Variants in PTPN18 observed in about 807,000 individuals in gnomAD.
PTPN18 encodes the protein tyrosine-protein phosphatase non-receptor type 18.
PTPN18 carries 65 observed loss-of-function variants against 65.4 expected under a neutral mutation model. That is an observed-to-expected ratio of 0.99 (90% confidence interval 0.81 to 1.22). PTPN18 has a LOEUF of 1.22. Among genes scored for constraint, PTPN18 ranks in the 50% most tolerant of loss-of-function variants. PTPN18 has a pLI of 0.00. For missense variants in PTPN18, 616 were observed against 646.5 expected (o/e 0.95, Z 0.51); for synonymous variants, 255 against 267.8 (o/e 0.95, Z 0.47).
chr2:130,364,270 T>C (rs1366408593), intron 5 of PTPN18, among the ~76,000 whole-genome samples: 1 of 152,198 alleles, frequency 6.6e-6, no homozygotes, highest in Non-Finnish European at 1.5e-5. Context: ...TCTGTCCCTA[T>C]GAATTTGCCT....
chr2:130,364,836 G>A (rs566647312), intron 5 of PTPN18, among the ~76,000 whole-genome samples: 1 of 152,294 alleles, frequency 6.6e-6, no homozygotes, highest in African/African-American at 2.4e-5. Flanking sequence ...TGGTATACTA[G>A]TATCTGTTTG....
chr2:130,361,524 T>TTCTTTCTTTCTTTCTTTCTTTC (rs779315325), intron 5 of PTPN18, among the ~76,000 whole-genome samples: 6 of 112,858 alleles, frequency 5.3e-5, no homozygotes, highest in African/African-American at 2.3e-4. Flanking sequence ...CTTTCTTTCT[T>TTCTTTCTTTCTTTCTTTCTTTC]TCTTTCTTTC....
Position 130,373,275 on chromosome 2 carries a change from G to C in PTPN18, c.*51G>C, listed in dbSNP as rs767500804. 1.3e-6 allele frequency: 2 copies of C among 1,487,160 alleles called. No homozygotes were observed. The highest frequency in any genetic ancestry group is 4.7e-5 in the East Asian group (2 of 42,350). The allele number at this position is 1,487,160 out of a possible 1,614,324, so 92.1% of individuals were successfully genotyped here. On this transcript the variant is annotated 3_prime_UTR_variant, in exon 15 of 15. Transcript: ENST00000175756. This position sits in a 1 kb window ranked among gnomAD's most constrained non-coding sequence, Gnocchi z 4.1. ...CCTCTTGTGAGCTCGGACTGCTGAT[G>C]CCCCGGTGCTGCTGAGCGCCGTGCG...
chr2:130,356,155 A>G lies in PTPN18; in HGVS notation c.48A>G (p.Glu16=). The change falls in exon 1 of 15, where the codon GAA becomes GAG. Residue 16 remains glutamate (E), a synonymous_variant. Coordinates refer to ENST00000175756, the MANE Select transcript of PTPN18 (RefSeq NM_014369.4). ...DSARSFLERL[E]ARGGREGAVL... is the part of the protein sequence containing the mutation. ...CGCGGAGCTTCCTGGAGCGGCTGGA[A>G]GCGCGGGGCGGCCGGGAGGGGGCAG... 1 of 1,313,146 alleles carries G rather than the reference A, an allele frequency of 7.6e-7. No individual in the cohort carries two copies. The highest frequency in any genetic ancestry group is 9.7e-7 in the Non-Finnish European group (1 of 1,035,536). 81.3% of individuals were successfully genotyped at this position (1,313,146 alleles called of 1,614,324 possible).
intron 12 of PTPN18, chr2:130,372,017 C>G: frequency 2.0e-6 from 1 of 502,070 alleles, no homozygotes; most frequent in Non-Finnish European, 3.5e-6. Context: ...ATGACCACCC[C>G]TCAAACCAAC....
intron 8 of PTPN18, 98 bp from the exon 9 acceptor site, chr2:130,370,459 A>C (rs931413447): frequency 2.2e-6 from 3 of 1,371,344 alleles, no homozygotes; most frequent in Non-Finnish European, 2.1e-6. Context: ...GAGGCTCTGC[A>C]GGGGATCCAT....
Position 130,369,709 on chromosome 2 carries a change from T to G in PTPN18, c.484-56T>G. ...TTTGCTTTCTATAAATGTCTTCTGG[T>G]ACCTATGATCTTTGTTCTCCTCCCT... is the stretch of plus-strand genomic sequence containing the variant. On this transcript the variant is annotated intron_variant, in intron 6 of 14. Transcript: ENST00000175756. 9 of 1,483,708 alleles carry G rather than the reference T, an allele frequency of 6.1e-6. No individual in the cohort carries two copies. In the Middle Eastern group the frequency reaches 1.0e-3, roughly 170 times the overall value. The allele number at this position is 1,483,708 out of a possible 1,614,324, so 91.9% of individuals were successfully genotyped here.
At position 130,374,359 on chromosome 2, in the gene PTPN18, G is replaced by T; in HGVS notation, c.*1135G>T. Reference sequence around the variant, plus strand: ...AATTTTTTTTTTTTTTAAGAAATGAGTTTTTGCCATGTTGCCCAGACTGGT... The same window carrying T: ...AATTTTTTTTTTTTTTAAGAAATGATTTTTTGCCATGTTGCCCAGACTGGT... On this transcript the variant is annotated 3_prime_UTR_variant, in exon 15 of 15. Coordinates refer to ENST00000175756, the MANE Select transcript of PTPN18 (RefSeq NM_014369.4). 4.4e-6 allele frequency: 1 copy of T among 226,156 alleles called. No homozygotes were observed. Among genetic ancestry groups the T allele is most frequent in the Non-Finnish European group, 9.1e-6 (1 of 109,334 alleles). 14.0% of individuals were successfully genotyped at this position (226,156 alleles called of 1,614,324 possible).
At chr2:130,357,749 G>T (rs1017626018) in intron 1 of PTPN18, among the ~76,000 whole-genome samples, 1 of 151,342 alleles carries the variant, frequency 6.6e-6, no homozygotes, top group Admixed American at 6.6e-5. Context: ...CCAGCTACTC[G>T]GGTGGCTGAG....
intron 11 of PTPN18, 40 bp downstream of exon 11, chr2:130,371,004 C>A: frequency 6.3e-7 from 1 of 1,591,468 alleles, no homozygotes; most frequent in Non-Finnish European, 8.6e-7. Flanking sequence ...CCACCATCAG[C>A]ACCCTCAGAG....
rs1680084408 is a variant in PTPN18 at position 130,358,867 on chromosome 2, G to T, written c.94G>T (p.Asp32Tyr). 1 of 1,610,374 alleles carries T rather than the reference G, an allele frequency of 6.2e-7. No homozygotes were observed. The highest frequency in any genetic ancestry group is 8.5e-7 in the Non-Finnish European group (1 of 1,177,228). ...TGACCCACTCATAATGCTCTACCAG[G>T]ACATCCAGGCCTGCTCGGCCGCCTG... is the stretch of plus-strand genomic sequence containing the variant. ...EGAVLAGEFS[D>Y]IQACSAAWKA... is the part of the protein sequence containing the mutation. Residue 32 changes from aspartate to tyrosine, a missense_variant and splice_region_variant, in exon 2 of 15, where the codon GAC (aspartate) becomes TAC (tyrosine). Around this residue, in one of 3 missense-constraint regions of PTPN18, gnomAD observed 223 missense variants for 210.0 expected, o/e 1.06. Coordinates refer to ENST00000175756, the MANE Select transcript of PTPN18 (RefSeq NM_014369.4).
In PTPN18 at chr2:130,370,595, A is replaced by G; in HGVS notation, c.728A>G (p.Asp243Gly). The change falls in exon 9 of 15, where the codon GAT becomes GGT. Residue 243 changes from aspartate to glycine, a missense_variant. By Grantham distance (94) the Asp-to-Gly change is moderately conservative. Around this residue, in one of 3 missense-constraint regions of PTPN18, gnomAD observed 368 missense variants for 386.7 expected, o/e 0.95. Coordinates refer to ENST00000175756, the MANE Select transcript of PTPN18 (RefSeq NM_014369.4). ...CGAACAGGCGTCCTGTGCACCGTGG[A>G]TTATGTGAGGCAGCTGCTCCTGACC... ...CGRTGVLCTV[D>G]YVRQLLLTQM... 1 of 1,614,032 alleles carries G rather than the reference A, an allele frequency of 6.2e-7. No homozygotes were observed. Among genetic ancestry groups the G allele is most frequent in the Non-Finnish European group, 8.5e-7 (1 of 1,180,004 alleles).
intron 12 of PTPN18, 113 bp downstream of exon 12, chr2:130,371,400 C>T: frequency 1.1e-6 from 1 of 931,170 alleles, no homozygotes; most frequent in East Asian, 2.7e-5. Context: ...TTCGCTGGCC[C>T]TTTCTTCGAA....
chr2:130,371,198 G>C lies in PTPN18; in HGVS notation c.925-1G>C. ...GAGCCTCCCCTCCTGTTTTTCTTCA[G>C]AATTGTGCCCCACTCTACGACGATG... On this transcript the variant is annotated splice_acceptor_variant, in intron 11 of 14. Transcript: ENST00000175756. LOFTEE classifies it high-confidence loss of function. 1 of 1,604,470 alleles carries C rather than the reference G, an allele frequency of 6.2e-7. No individual in the cohort carries two copies. Among genetic ancestry groups the C allele is most frequent in the Non-Finnish European group, 8.5e-7 (1 of 1,173,260 alleles).
Position 130,375,152 on chromosome 2 carries a change from C to CACA in PTPN18, c.*1928_*1929insACA, listed in dbSNP as rs1680708134. 1 of 163,774 alleles carries CACA rather than the reference C, an allele frequency of 6.1e-6. No individual in the cohort carries two copies. The highest frequency in any genetic ancestry group is 1.3e-5 in the Non-Finnish European group (1 of 75,076). The allele number at this position is 163,774 out of a possible 1,614,324, so 10.1% of individuals were successfully genotyped here. A position where few individuals can be genotyped will look rare whatever the true frequency, so the allele number is the denominator to read the frequency against. Reference sequence around the variant, plus strand: ...CCTGTGAGCCTGCTGCTGGTGAGGTCGGTGCTGACCTCTGTGTTGCTGGAT... The same window carrying CACA: ...CCTGTGAGCCTGCTGCTGGTGAGGTCACAGGTGCTGACCTCTGTGTTGCTGGAT... On this transcript the variant is annotated 3_prime_UTR_variant, in exon 15 of 15. Coordinates refer to ENST00000175756, the MANE Select transcript of PTPN18 (RefSeq NM_014369.4).
In PTPN18 at chr2:130,369,145, C is replaced by T. The variant is rs146548137; in HGVS notation, c.427C>T (p.Arg143Trp). The T allele has an allele frequency of 9.3e-6, 15 of 1,612,006 alleles. No individual in the cohort carries two copies. Among genetic ancestry groups the T allele is most frequent in the African/African-American group, 6.7e-5 (5 of 74,850 alleles). Residue 143 changes from arginine to tryptophan, a missense_variant, in exon 6 of 15, where the codon CGG becomes TGG. Physicochemically the swap from Arg to Trp is moderately radical, Grantham distance 101 (BLOSUM62 -3). Around this residue, in one of 3 missense-constraint regions of PTPN18, gnomAD observed 223 missense variants for 210.0 expected, o/e 1.06. Transcript: ENST00000175756. The stretch of plus-strand genomic sequence containing the variant: ...TTACCTTTTGCAGAAAAGGTGTGAG[C>T]GGTACTGGGCCCAGGAGCAGGAGCC... Reference protein sequence around the residue: ...EIENGRKRCERYWAQEQEPLQ... With the variant: ...EIENGRKRCEWYWAQEQEPLQ...
rs758183941 is a variant in PTPN18 at position 130,356,183 on chromosome 2, C to G, written c.76C>G (p.Leu26Val). ...EARGGREGAVLAGEFSDIQAC... is the reference protein window; with the variant it reads ...EARGGREGAVVAGEFSDIQAC... The stretch of plus-strand genomic sequence containing the variant: ...GCGGGGCGGCCGGGAGGGGGCAGTC[C>G]TCGCCGGCGAGTTCAGCGTGAGTGG... Residue 26 changes from leucine (L) to valine (V), a missense_variant, in exon 1 of 15, where the codon CTC (leucine) becomes GTC (valine). Physicochemically the swap from Leu to Val is conservative, Grantham distance 32. Transcript: ENST00000175756. 7.6e-7 allele frequency: 1 copy of G among 1,315,024 alleles called. No individual in the cohort carries two copies. Among genetic ancestry groups the G allele is most frequent in the African/African-American group, 1.5e-5 (1 of 64,666 alleles). The allele number at this position is 1,315,024 out of a possible 1,614,324, so 81.5% of individuals were successfully genotyped here.
intron 1 of PTPN18, 27 bp from the exon 2 acceptor site, chr2:130,358,840 C>T (rs374805970): frequency 1.4e-5 from 22 of 1,587,814 alleles, no homozygotes; most frequent in Non-Finnish European, 1.9e-5. Flanking sequence ...TTCTCCCCTC[C>T]CTGACCCACT....
intron 13 of PTPN18, 36 bp downstream of exon 13, chr2:130,372,519 C>T (rs911949502): frequency 1.4e-5 from 20 of 1,402,000 alleles, no homozygotes; most frequent in Admixed American, 6.5e-5. Flanking sequence ...GGGCATCATC[C>T]TGCTGTGATC....
Sources: gnomAD v4.1 joint callset for allele counts (sites outside exome capture counted in the v4.1 genomes callset) on GRCh38, gnomAD v4.1.1 for gene constraint, gnomAD v4.1.1 regional missense constraint, Gnocchi (gnomAD v3.1) non-coding constraint, MANE v1.5 for transcripts, NCBI Gene and HGNC (gene_info 2026-07-23, HGNC 2026-07-21) for gene names.